MLLT3: variants seen among roughly 807,000 people sequenced by gnomAD.
MLLT3 encodes MLLT3 super elongation complex subunit, also known as protein AF-9.
Under a neutral mutation model 53.2 loss-of-function variants are expected in MLLT3, and 4 were observed. The ratio of observed to expected loss-of-function variants is 0.08; its 90% CI spans 0.04 to 0.17. The LOEUF (loss-of-function observed/expected upper bound fraction) is 0.17. MLLT3 is among the 10% of genes least tolerant of loss of function. The pLI is 1.00. For synonymous variants in MLLT3, 283 were observed against 230.6 expected (o/e 1.23, Z -2.06); for missense variants, 569 against 684.0 (o/e 0.83, Z 1.87).
In MLLT3 at chr9:20,346,113, T is replaced by A. The variant is rs1360381019; in HGVS notation, c.*330A>T. ...GAATGAACCACCACAGAGAGATACA[T>A]GATACCATACACATTCTTTGAGTTT... is the stretch of plus-strand genomic sequence containing the variant. On this transcript the variant is annotated 3_prime_UTR_variant, in exon 11 of 11. Coordinates refer to ENST00000380338, the MANE Select transcript of MLLT3 (RefSeq NM_004529.4). 1.0e-5 allele frequency: 3 copies of A among 299,458 alleles called. No individual in the cohort carries two copies. The highest frequency in any genetic ancestry group is 4.3e-5 in the African/African-American group (2 of 46,700). 18.6% of individuals were successfully genotyped at this position (299,458 alleles called of 1,614,324 possible). A position where few individuals can be genotyped will look rare whatever the true frequency, so the allele number is the denominator to read the frequency against.
At chr9:20,502,431 A>C (rs990870890) in intron 2 of MLLT3, 1 of 152,444 alleles carries the variant, frequency 6.6e-6, no homozygotes, top group Non-Finnish European at 1.5e-5. Context: ...TAAGAGGTGA[A>C]AAAACTTGCA....
chr9:20,545,838 G>C lies in MLLT3; in HGVS notation c.193+74816C>G, dbSNP rs117111071. Among the ~76,000 whole-genome samples the C allele has an allele frequency of 4.8e-3, 535 of 112,036 alleles. 3 individuals carry two copies. The highest frequency in any genetic ancestry group is 8.2e-3 in the Admixed American group (80 of 9,790). The allele number at this position is 112,036 out of a possible 152,430, so 73.5% of individuals were successfully genotyped here. A position where few individuals can be genotyped will look rare whatever the true frequency, so the allele number is the denominator to read the frequency against. On this transcript the variant is annotated intron_variant, in intron 2 of 10. Transcript: ENST00000380338. ...GTTCGAGACTAGCCTGGGAAATAAAGTAAGACCCAGTCTCTACCAAAAAAA... is the reference window on the plus strand; with the variant it reads ...GTTCGAGACTAGCCTGGGAAATAAACTAAGACCCAGTCTCTACCAAAAAAA...
Position 20,621,683 on chromosome 9 carries a change from C to T in MLLT3, c.12+562G>A. On this transcript the variant is annotated intron_variant, in intron 1 of 10. Transcript: ENST00000380338. This position sits in a 1 kb window ranked among gnomAD's most constrained non-coding sequence, Gnocchi z 7.0. Reference sequence around the variant, plus strand: ...GCCGAGCCTCGGCTCGCGCTCAGCACCTCCCGGCGCTGGGGCAAAGTTGCG... The same window carrying T: ...GCCGAGCCTCGGCTCGCGCTCAGCATCTCCCGGCGCTGGGGCAAAGTTGCG... 2 of 1,336,170 alleles carry T rather than the reference C, an allele frequency of 1.5e-6. No homozygotes were observed. Among genetic ancestry groups the T allele is most frequent in the South Asian group, 1.4e-5 (1 of 73,218 alleles). The allele number at this position is 1,336,170 out of a possible 1,614,324, so 82.8% of individuals were successfully genotyped here. A position where few individuals can be genotyped will look rare whatever the true frequency, so the allele number is the denominator to read the frequency against.
At chr9:20,503,624 AT>A (rs998794706) in intron 2 of MLLT3, among the ~76,000 whole-genome samples, 1 of 152,200 alleles carries the variant, frequency 6.6e-6, no homozygotes, top group African/African-American at 2.4e-5. Context: ...TCTCCATGAC[AT>A]TATTCTGGGT....
At chr9:20,493,788 A>C (rs929192243) in intron 2 of MLLT3, among the ~76,000 whole-genome samples, 1 of 152,134 alleles carries the variant, frequency 6.6e-6, no homozygotes, top group African/African-American at 2.4e-5. Context: ...ACTATAAAGT[A>C]TGTTAAGTTT....
intron 2 of MLLT3, among the ~76,000 whole-genome samples, chr9:20,475,911 C>T (rs1824509296): frequency 1.3e-5 from 2 of 152,094 alleles, no homozygotes; most frequent in Admixed American, 1.3e-4. Flanking sequence ...CAAAATTGTC[C>T]TACTGAAACA....
At chr9:20,351,313 CT>C (rs1412663798) in intron 10 of MLLT3, among the ~76,000 whole-genome samples, 1 of 152,226 alleles carries the variant, frequency 6.6e-6, no homozygotes, top group Non-Finnish European at 1.5e-5. Context: ...ACAGAGTTTT[CT>C]TCCCCCAGAC....
intron 2 of MLLT3, among the ~76,000 whole-genome samples, chr9:20,567,039 G>A (rs954025740): frequency 1.3e-5 from 2 of 151,854 alleles, no homozygotes; most frequent in Non-Finnish European, 2.9e-5. Flanking sequence ...GGATTCTCAG[G>A]GTATCAACCT....
chr9:20,568,170 T>A (rs777964665), intron 2 of MLLT3, among the ~76,000 whole-genome samples: 1 of 152,094 alleles, frequency 6.6e-6, no homozygotes. Flanking sequence ...ATTAAAAGAT[T>A]TGATGTCTAG....
At chr9:20,362,174 A>C (rs1821339309) in intron 7 of MLLT3, among the ~76,000 whole-genome samples, 3 of 152,204 alleles carry the variant, frequency 2.0e-5, no homozygotes, top group Non-Finnish European at 4.4e-5. Context: ...GGCAGGGAAC[A>C]AGAAAAGCAG....
intron 5 of MLLT3, among the ~76,000 whole-genome samples, chr9:20,408,740 A>T (rs1262764896): frequency 6.6e-6 from 1 of 152,090 alleles, no homozygotes; most frequent in East Asian, 1.9e-4. Context: ...GACTGCAACA[A>T]CCTTCCATCA....
rs536100848 is a variant in MLLT3 at position 20,369,656 on chromosome 9, T to A, written c.1126-3912A>T. ...CAAGCCCAACCAACAGAATTGCAGT[T>A]CACTGTGAGTTATGTATTTTATTTT... On this transcript the variant is annotated intron_variant, in intron 5 of 10. Coordinates refer to ENST00000380338, the MANE Select transcript of MLLT3 (RefSeq NM_004529.4). Among the ~76,000 whole-genome samples the A allele has an allele frequency of 2.0e-5, 3 of 152,300 alleles. No individual in the cohort carries two copies. The East Asian group carries it at 5.8e-4, about 29-fold the overall frequency.
chr9:20,359,176 T>A (rs375075834), intron 8 of MLLT3, among the ~76,000 whole-genome samples: 1,711 of 94,174 alleles, frequency 0.018, 15 homozygotes, highest in African/African-American at 0.027. Flanking sequence ...AAAAAAAAAA[T>A]CTCACCAAGG....
At chr9:20,530,626 A>T (rs976603646) in intron 2 of MLLT3, among the ~76,000 whole-genome samples, 9 of 152,236 alleles carry the variant, frequency 5.9e-5, no homozygotes, top group African/African-American at 1.7e-4. Context: ...GTTACTGAAT[A>T]TAAACAGGTG....
At chr9:20,511,251 T>C (rs1036379364) in intron 2 of MLLT3, among the ~76,000 whole-genome samples, 1 of 151,944 alleles carries the variant, frequency 6.6e-6, no homozygotes, top group East Asian at 2.0e-4. Context: ...CGTATTACTT[T>C]TGTAATTTAA....
chr9:20,403,415 C>T (rs116245837), intron 5 of MLLT3, among the ~76,000 whole-genome samples: 2,551 of 152,242 alleles, frequency 0.017, 74 homozygotes, highest in African/African-American at 0.058. Context: ...AGATGGGTGG[C>T]ATATAACACA....
intron 5 of MLLT3, among the ~76,000 whole-genome samples, chr9:20,373,080 G>T (rs1821658188): frequency 6.6e-6 from 1 of 152,010 alleles, no homozygotes; most frequent in Admixed American, 6.6e-5. Context: ...AGTATATTTT[G>T]GTGAAGATTG....
intron 2 of MLLT3, among the ~76,000 whole-genome samples, chr9:20,565,972 A>ATATATATATTTATT (rs1819358600): frequency 5.0e-5 from 1 of 20,028 alleles, no homozygotes; most frequent in African/African-American, 1.4e-4. Flanking sequence ...ATATATTTAT[A>ATATATATATTTATT]TATATATATA....
chr9:20,436,659 A>G (rs1823413577), intron 4 of MLLT3, among the ~76,000 whole-genome samples: 1 of 152,216 alleles, frequency 6.6e-6, no homozygotes, highest in Admixed American at 6.5e-5. Context: ...ATGCAAGAAC[A>G]ATGAACAAAA....
Sources: allele counts gnomAD v4.1 joint callset (sites outside exome capture counted in the v4.1 genomes callset), GRCh38; gene constraint gnomAD v4.1.1; non-coding constraint Gnocchi (gnomAD v3.1); transcripts MANE v1.5; gene names NCBI Gene and HGNC (gene_info 2026-07-23, HGNC 2026-07-21).